Variants in CNTN5 observed in about 807,000 individuals in gnomAD.
CNTN5 encodes contactin-5.
Under a neutral mutation model 129.1 loss-of-function variants are expected in CNTN5, and 77 were observed. The observed-to-expected ratio is 0.60, with a 90% CI of 0.50 to 0.72. The LOEUF is 0.72. Ranked by LOEUF, CNTN5 falls within the 30% of genes least tolerant of loss-of-function variation. The pLI is 0.00. For missense variants in CNTN5, 1,478 were observed against 1,328.8 expected (o/e 1.11, Z -1.75); for synonymous variants, 509 against 465.6 (o/e 1.09, Z -1.20).
intron 1 of CNTN5, among the ~76,000 whole-genome samples, chr11:99,166,510 G>A (rs1860878823): frequency 6.6e-6 from 1 of 151,678 alleles, no homozygotes; most frequent in Non-Finnish European, 1.5e-5. Flanking sequence ...CCAGTACTAA[G>A]CCAAAACAAA....
At chr11:100,274,240 T>C (rs1193552541) in intron 18 of CNTN5, among the ~76,000 whole-genome samples, 1 of 152,190 alleles carries the variant, frequency 6.6e-6, no homozygotes, top group East Asian at 1.9e-4. Context: ...ATTAAAGACT[T>C]AAATGTAAGA....
At chr11:100,185,993 T>A (rs10501951) in intron 13 of CNTN5, among the ~76,000 whole-genome samples, 31,779 of 152,146 alleles carry the variant, frequency 0.21, 4,438 homozygotes, top group East Asian at 0.55. Context: ...AGACGGTACT[T>A]CCAGGCAAGC....
At chr11:99,418,481 T>G in intron 2 of CNTN5, among the ~76,000 whole-genome samples, 1 of 152,212 alleles carries the variant, frequency 6.6e-6, no homozygotes, top group East Asian at 1.9e-4. Context: ...TCCAAAGGGA[T>G]AATTGATGCT....
At chr11:100,000,511 C>A (rs1303737141) in intron 8 of CNTN5, among the ~76,000 whole-genome samples, 1 of 152,216 alleles carries the variant, frequency 6.6e-6, no homozygotes, top group Non-Finnish European at 1.5e-5. Flanking sequence ...GCACCTCTGG[C>A]TCTTTCATGG....
chr11:99,329,665 A>T (rs937679705), intron 2 of CNTN5, among the ~76,000 whole-genome samples: 1 of 152,112 alleles, frequency 6.6e-6, no homozygotes, highest in Non-Finnish European at 1.5e-5. Context: ...CTGCTTAGAA[A>T]CTGTCACATA....
intron 6 of CNTN5, among the ~76,000 whole-genome samples, chr11:99,913,482 C>G (rs540719838): frequency 6.6e-6 from 1 of 151,872 alleles, no homozygotes; most frequent in East Asian, 1.9e-4. Context: ...ATAAAAAAAT[C>G]TATTTATCTT....
intron 7 of CNTN5, among the ~76,000 whole-genome samples, chr11:99,941,708 G>A (rs1490067017): frequency 6.6e-6 from 1 of 152,066 alleles, no homozygotes; most frequent in Admixed American, 6.6e-5. Flanking sequence ...AAGAAGTTAA[G>A]TAATGAGCCA....
At chr11:99,304,043 G>T (rs1353533090) in intron 1 of CNTN5, among the ~76,000 whole-genome samples, 1 of 152,128 alleles carries the variant, frequency 6.6e-6, no homozygotes. Flanking sequence ...CATGTACCTT[G>T]TTGTTGGGAA....
chr11:100,043,982 C>A (rs1369980690), intron 9 of CNTN5, among the ~76,000 whole-genome samples: 1 of 151,896 alleles, frequency 6.6e-6, no homozygotes, highest in Non-Finnish European at 1.5e-5. Context: ...GTGTAACCAT[C>A]ACCTGAATAA....
chr11:99,488,349 T>C (rs551101723), intron 2 of CNTN5, among the ~76,000 whole-genome samples: 1 of 141,846 alleles, frequency 7.0e-6, no homozygotes, highest in South Asian at 2.3e-4. Flanking sequence ...ATTTTTGTAT[T>C]TTTAGTAGAG....
At chr11:100,309,043 T>C (rs1951414918) in intron 21 of CNTN5, 1 of 985,116 alleles carries the variant, frequency 1.0e-6, no homozygotes, top group Non-Finnish European at 1.2e-6. Flanking sequence ...GAATAGCAGA[T>C]TGTGAGTAGT....
intron 3 of CNTN5, among the ~76,000 whole-genome samples, chr11:99,634,085 C>T (rs1002930468): frequency 6.6e-6 from 1 of 152,010 alleles, no homozygotes; most frequent in African/African-American, 2.4e-5. Flanking sequence ...AAAAGTTAGG[C>T]AGTAATATGC....
intron 4 of CNTN5, among the ~76,000 whole-genome samples, chr11:99,840,986 A>T (rs1379430875): frequency 6.6e-6 from 1 of 152,140 alleles, no homozygotes; most frequent in African/African-American, 2.4e-5. Flanking sequence ...TTTGCTGGGG[A>T]CTGGGAAGCT....
At chr11:99,069,611 G>T (rs1865251013) in intron 1 of CNTN5, among the ~76,000 whole-genome samples, 1 of 152,104 alleles carries the variant, frequency 6.6e-6, no homozygotes, top group Admixed American at 6.6e-5. Context: ...TGTGTTTTAT[G>T]TATTCATTCT....
intron 17 of CNTN5, among the ~76,000 whole-genome samples, chr11:100,265,549 A>G (rs1356709806): frequency 6.6e-6 from 1 of 152,138 alleles, no homozygotes; most frequent in East Asian, 1.9e-4. Flanking sequence ...AATATCCATT[A>G]GAAAAAAAAT....
intron 15 of CNTN5, among the ~76,000 whole-genome samples, chr11:100,223,180 C>T (rs1410323460): frequency 3.3e-5 from 5 of 152,092 alleles, no homozygotes; most frequent in African/African-American, 2.4e-5. Context: ...ATTCTTATGA[C>T]ATTTTAATGC....
chr11:99,931,010 A>T (rs937684896), intron 7 of CNTN5, among the ~76,000 whole-genome samples: 4 of 152,132 alleles, frequency 2.6e-5, no homozygotes, highest in African/African-American at 9.7e-5. Context: ...ATATACTCTC[A>T]AATTAATCAG....
At chr11:99,858,388 T>G (rs1451859624) in intron 6 of CNTN5, among the ~76,000 whole-genome samples, 2 of 152,072 alleles carry the variant, frequency 1.3e-5, no homozygotes, top group African/African-American at 2.4e-5. Context: ...GTCATTAAAT[T>G]ACCAAAATAA....
chr11:99,081,796 T>G (rs2135284431), intron 1 of CNTN5, among the ~76,000 whole-genome samples: 1 of 152,312 alleles, frequency 6.6e-6, no homozygotes, highest in East Asian at 1.9e-4. Flanking sequence ...AATATTTTGT[T>G]AGATTAGCAG....
Sources: gnomAD v4.1 joint callset for allele counts (sites outside exome capture counted in the v4.1 genomes callset) on GRCh38, gnomAD v4.1.1 for gene constraint, MANE v1.5 for transcripts, NCBI Gene and HGNC (gene_info 2026-07-23, HGNC 2026-07-21) for gene names.